TRAK2: variants seen among roughly 807,000 people sequenced by gnomAD.
TRAK2 encodes trafficking kinesin-binding protein 2.
Under a neutral mutation model 104.6 loss-of-function variants are expected in TRAK2, and 81 were observed. That is an observed-to-expected ratio of 0.77 (90% confidence interval 0.65 to 0.93). The LOEUF is 0.93. Ranked by LOEUF, TRAK2 falls within the 40% of genes least tolerant of loss-of-function variation. The pLI is 0.00. For synonymous variants in TRAK2, 406 were observed against 394.4 expected (o/e 1.03, Z -0.35); for missense variants, 1,002 against 1,089.0 (o/e 0.92, Z 1.12).
At chr2:201,443,025 T>A (rs1284604193) in intron 1 of TRAK2, among the ~76,000 whole-genome samples, 1 of 152,202 alleles carries the variant, frequency 6.6e-6, no homozygotes, top group Admixed American at 6.5e-5. Flanking sequence ...CTATCCTCCA[T>A]CAGTTTCACC....
At chr2:201,411,742 T>C (rs970746038) in intron 2 of TRAK2, 1 of 779,946 alleles carries the variant, frequency 1.3e-6, no homozygotes, top group East Asian at 2.4e-5. Context: ...AAGGGTAGGA[T>C]ACCATCAAGT....
chr2:201,430,767 T>C (rs1279138979), intron 1 of TRAK2, among the ~76,000 whole-genome samples: 1 of 152,180 alleles, frequency 6.6e-6, no homozygotes, highest in East Asian at 1.9e-4. Context: ...CTTTGACCCT[T>C]TGCACTTCCC....
intron 1 of TRAK2, among the ~76,000 whole-genome samples, chr2:201,430,634 T>A (rs1248936266): frequency 6.6e-6 from 1 of 152,204 alleles, no homozygotes; most frequent in African/African-American, 2.4e-5. Flanking sequence ...GAGCCAGGCA[T>A]GGGATATAAT....
Position 201,389,886 on chromosome 2 carries a change from A to G in TRAK2, c.1114-6T>C, listed in dbSNP as rs372705774. The G allele has an allele frequency of 1.9e-6, 3 of 1,611,292 alleles. No individual in the cohort carries two copies. In the African/African-American group the frequency reaches 4.0e-5, roughly 22 times the overall value. On this transcript the variant is annotated splice_region_variant and splice_polypyrimidine_tract_variant and intron_variant, in intron 10 of 15. Transcript: ENST00000332624. ...ATCTCAGCTGCCAAAGATTCCTAAGAAAAAGAGTTTGAGATTTCTAAAGTG... is the reference window on the plus strand; with the variant it reads ...ATCTCAGCTGCCAAAGATTCCTAAGGAAAAGAGTTTGAGATTTCTAAAGTG...
At chr2:201,442,475 A>C (rs1467770528) in intron 1 of TRAK2, among the ~76,000 whole-genome samples, 1 of 152,102 alleles carries the variant, frequency 6.6e-6, no homozygotes. Flanking sequence ...TGAATTTTTG[A>C]GCAATCAATT....
rs1250160893 is a variant in TRAK2 at position 201,392,850 on chromosome 2, G to A, written c.1113+59C>T. The A allele has an allele frequency of 1.5e-5, 22 of 1,513,728 alleles. No individual in the cohort carries two copies. The South Asian group carries it at 1.8e-4, about 12-fold the overall frequency. 93.8% of individuals were successfully genotyped at this position (1,513,728 alleles called of 1,614,324 possible). A position where few individuals can be genotyped will look rare whatever the true frequency, so the allele number is the denominator to read the frequency against. On this transcript the variant is annotated intron_variant, in intron 10 of 15. Transcript: ENST00000332624. The stretch of plus-strand genomic sequence containing the variant: ...ACCATCATAAACCATCAAACTTTTA[G>A]GACAAACTAATCTTAAACAAATTTC...
intron 2 of TRAK2, chr2:201,411,104 T>C: frequency 9.6e-7 from 1 of 1,044,120 alleles, no homozygotes; most frequent in South Asian, 1.3e-5. Flanking sequence ...TGAACGTACT[T>C]GAAGCAGAAG....
chr2:201,391,114 C>A (rs1160007148), intron 10 of TRAK2, among the ~76,000 whole-genome samples: 1 of 152,002 alleles, frequency 6.6e-6, no homozygotes, highest in African/African-American at 2.4e-5. Flanking sequence ...ATCTTGGATT[C>A]GAAATACAAT....
Position 201,447,558 on chromosome 2 carries a change from G to C in TRAK2, c.-200+3792C>G, listed in dbSNP as rs1576542749. Among the ~76,000 whole-genome samples the C allele has an allele frequency of 6.6e-6, 1 of 152,160 alleles. No individual in the cohort carries two copies. The highest frequency in any genetic ancestry group is 2.4e-5 in the African/African-American group (1 of 41,426). Reference sequence around the variant, plus strand: ...TGAGGCCTCTCTCCTTGGTCTTCTTGATGAATCCTCACATGGTCTTTCCTT... The same window carrying C: ...TGAGGCCTCTCTCCTTGGTCTTCTTCATGAATCCTCACATGGTCTTTCCTT... On this transcript the variant is annotated intron_variant, in intron 1 of 15. Transcript: ENST00000332624. The surrounding 1 kb of genome is among the most constrained non-coding windows in gnomAD (Gnocchi z 4.1).
chr2:201,418,337 G>A (rs922746842), intron 2 of TRAK2, among the ~76,000 whole-genome samples: 4 of 152,168 alleles, frequency 2.6e-5, no homozygotes, highest in East Asian at 1.9e-4. Flanking sequence ...ATGCCACCAC[G>A]CCCAGCTGTT....
chr2:201,439,579 G>A (rs1057501480), intron 1 of TRAK2, among the ~76,000 whole-genome samples: 2 of 151,926 alleles, frequency 1.3e-5, no homozygotes, highest in Admixed American at 1.3e-4. Flanking sequence ...AGCAATTACT[G>A]TATTATAATA....
intron 7 of TRAK2, among the ~76,000 whole-genome samples, chr2:201,395,866 A>G (rs1024972421): frequency 6.6e-6 from 1 of 152,212 alleles, no homozygotes; most frequent in Non-Finnish European, 1.5e-5. Context: ...ATTAATCTTA[A>G]CAAATCTAAC....
chr2:201,387,763 T>TG lies in TRAK2; in HGVS notation c.1635dup (p.Ser546GlnfsTer20), dbSNP rs1309725808. Reference sequence around the variant, plus strand: ...ATAAAACCTCGAAGGCAACTGGCACTGCTGAGGTCTGTGATCTCTGACTGG... The same window carrying TG: ...ATAAAACCTCGAAGGCAACTGGCACTGGCTGAGGTCTGTGATCTCTGACTGG... On this transcript the variant is annotated frameshift_variant, in exon 13 of 16. Transcript: ENST00000332624. LOFTEE classifies it high-confidence loss of function. The TG allele has an allele frequency of 6.2e-7, 1 of 1,613,838 alleles. No homozygotes were observed. Among genetic ancestry groups the TG allele is most frequent in the Non-Finnish European group, 8.5e-7 (1 of 1,179,912 alleles).
At chr2:201,395,230 G>T in intron 8 of TRAK2, 84 bp downstream of exon 8, 1 of 1,195,750 alleles carries the variant, frequency 8.4e-7, no homozygotes, top group Non-Finnish European at 1.2e-6. Flanking sequence ...TGTTTATTTT[G>T]TTTATTGTAT....
At chr2:201,439,293 T>C (rs1951901273) in intron 1 of TRAK2, among the ~76,000 whole-genome samples, 1 of 152,224 alleles carries the variant, frequency 6.6e-6, no homozygotes, top group Non-Finnish European at 1.5e-5. Context: ...TGCAGGGCTA[T>C]ACCAACTAAG....
intron 3 of TRAK2, among the ~76,000 whole-genome samples, chr2:201,402,264 T>C (rs555213792): frequency 5.3e-5 from 8 of 152,224 alleles, no homozygotes; most frequent in Admixed American, 4.6e-4. Flanking sequence ...AGTCCCATCT[T>C]AACACTTTAG....
rs781259113 is a variant in TRAK2, at chr2:201,380,824, G to C, written c.2464C>G (p.Arg822Gly). ...AACTGGCCAACATCAGGAGGGTTCCGGGAGGGTCTCAAGCCATACATCTCC... is the reference window on the plus strand; with the variant it reads ...AACTGGCCAACATCAGGAGGGTTCCCGGAGGGTCTCAAGCCATACATCTCC... ...LQEMYGLRPS[R>G]NPPDVGQLKM... The change falls in exon 16 of 16, where the codon CGG becomes GGG. Residue 822 changes from arginine (R) to glycine (G), a missense_variant. Arg to Gly is a moderately radical substitution (Grantham distance 125). Coordinates refer to ENST00000332624, the MANE Select transcript of TRAK2 (RefSeq NM_015049.3). The C allele has an allele frequency of 6.2e-7, 1 of 1,613,926 alleles. No homozygotes were observed. The highest frequency in any genetic ancestry group is 1.3e-5 in the African/African-American group (1 of 74,898).
At chr2:201,439,386 T>C (rs1433269348) in intron 1 of TRAK2, among the ~76,000 whole-genome samples, 1 of 152,048 alleles carries the variant, frequency 6.6e-6, no homozygotes, top group African/African-American at 2.4e-5. Context: ...GAATCTTTAA[T>C]ACTTTTTTTT....
intron 2 of TRAK2, chr2:201,413,237 C>A: frequency 7.2e-7 from 1 of 1,384,598 alleles, no homozygotes; most frequent in South Asian, 1.2e-5. Flanking sequence ...CAGGATTTCT[C>A]ATTACAGCAC....
Sources: allele counts gnomAD v4.1 joint callset (sites outside exome capture counted in the v4.1 genomes callset), GRCh38; gene constraint gnomAD v4.1.1; non-coding constraint Gnocchi (gnomAD v3.1); transcripts MANE v1.5; gene names NCBI Gene and HGNC (gene_info 2026-07-23, HGNC 2026-07-21).